Variants in QTMAN observed in about 807,000 individuals in gnomAD.
The protein encoded by QTMAN is tRNA-queuosine alpha-mannosyltransferase.
At chr2:144,110,685 C>T in the QTMAN span, among the ~76,000 whole-genome samples, 2 of 142,236 alleles carry the variant, frequency 1.4e-5, no homozygotes, top group African/African-American at 2.8e-5. Context: ...ATCGACCCCC[C>T]CCCAAAAAAA....
At chr2:144,139,913 T>A in the QTMAN span, among the ~76,000 whole-genome samples, 1 of 152,074 alleles carries the variant, frequency 6.6e-6, no homozygotes, top group Non-Finnish European at 1.5e-5. Context: ...ATTTTTCCCA[T>A]GACCAAATAA....
chr2:144,206,353 TTTAG>T, the QTMAN span, among the ~76,000 whole-genome samples: 1 of 152,174 alleles, frequency 6.6e-6, no homozygotes, highest in African/African-American at 2.4e-5. Flanking sequence ...CTCAGACTTA[TTTAG>T]TGTAGCAAAA....
chr2:144,307,159 T>C, the QTMAN span, among the ~76,000 whole-genome samples: 1 of 40,452 alleles, frequency 2.5e-5, no homozygotes, highest in Non-Finnish European at 4.0e-5. Context: ...GACTCCGTCT[T>C]AAAAAAAAAA....
At chr2:144,181,130 T>A in the QTMAN span, among the ~76,000 whole-genome samples, 1 of 152,208 alleles carries the variant, frequency 6.6e-6, no homozygotes, top group Non-Finnish European at 1.5e-5. Context: ...TTAGCTTCTG[T>A]TTCTTATTTA....
chr2:144,086,299 T>G, the QTMAN span, among the ~76,000 whole-genome samples: 2 of 152,138 alleles, frequency 1.3e-5, no homozygotes, highest in South Asian at 4.1e-4. Flanking sequence ...GAGTCTACTA[T>G]GTACCAATAA....
At chr2:144,134,174 C>T in the QTMAN span, among the ~76,000 whole-genome samples, 1 of 152,142 alleles carries the variant, frequency 6.6e-6, no homozygotes, top group African/African-American at 2.4e-5. Flanking sequence ...GACACATCTG[C>T]TTTGCAATGT....
At chr2:143,955,041 G>C in the QTMAN span, among the ~76,000 whole-genome samples, 1 of 152,172 alleles carries the variant, frequency 6.6e-6, no homozygotes, top group South Asian at 2.1e-4. Flanking sequence ...CTTTTCTGGA[G>C]GGCCTGCAAA....
the QTMAN span, among the ~76,000 whole-genome samples, chr2:144,082,538 G>A: frequency 1.3e-5 from 2 of 151,956 alleles, no homozygotes; most frequent in Admixed American, 6.6e-5. Context: ...CATTTTCTTG[G>A]TTTCAGGGTG....
chr2:143,951,657 C>T, the QTMAN span, among the ~76,000 whole-genome samples: 1 of 151,436 alleles, frequency 6.6e-6, no homozygotes, highest in Non-Finnish European at 1.5e-5. Context: ...AGAATCTTTC[C>T]TTTACTTCCT....
the QTMAN span, among the ~76,000 whole-genome samples, chr2:144,019,435 GGTGTGTGTGTGTGTGTGTGTGTGT>G: frequency 8.5e-6 from 1 of 117,224 alleles, no homozygotes; most frequent in Non-Finnish European, 1.8e-5. Flanking sequence ...TAAGCATGCA[GGTGTGTGTGTGTGTGTGTGTGTGT>G]GTGTGTGTGT....
the QTMAN span, among the ~76,000 whole-genome samples, chr2:144,138,049 A>T: frequency 2.4e-3 from 371 of 151,954 alleles, 5 homozygotes; most frequent in Admixed American, 0.023. Context: ...TCCTCCACCA[A>T]CCCCTTAAGT....
the QTMAN span, among the ~76,000 whole-genome samples, chr2:144,321,709 C>T: frequency 1.3e-5 from 2 of 152,060 alleles, no homozygotes; most frequent in African/African-American, 4.8e-5. Flanking sequence ...CTCAAGAAAT[C>T]CTCCCACTTC....
chr2:144,079,691 T>C, the QTMAN span, among the ~76,000 whole-genome samples: 1 of 152,116 alleles, frequency 6.6e-6, no homozygotes, highest in Non-Finnish European at 1.5e-5. Context: ...ATAGTAGATG[T>C]AATGGCCTAT....
chr2:144,102,637 T>G, the QTMAN span, among the ~76,000 whole-genome samples: 1 of 152,294 alleles, frequency 6.6e-6, no homozygotes, highest in Admixed American at 6.5e-5. Context: ...CAGCAGCACA[T>G]TCATTTTAAG....
chr2:144,193,830 C>G, the QTMAN span, among the ~76,000 whole-genome samples: 1 of 151,894 alleles, frequency 6.6e-6, no homozygotes, highest in Non-Finnish European at 1.5e-5. Context: ...CCCAGCACCC[C>G]CAAATATTTG....
chr2:144,070,746 T>C, the QTMAN span, among the ~76,000 whole-genome samples: 1 of 152,176 alleles, frequency 6.6e-6, no homozygotes, highest in Non-Finnish European at 1.5e-5. Flanking sequence ...TTGTTAAAGA[T>C]TATTTCTTAA....
the QTMAN span, chr2:144,208,882 T>C: frequency 1.3e-6 from 1 of 748,462 alleles, no homozygotes; most frequent in Admixed American, 3.1e-5. Context: ...AGTTCAAATT[T>C]CATACTCAGA....
At chr2:144,203,831 AGTT>A in the QTMAN span, among the ~76,000 whole-genome samples, 1 of 152,192 alleles carries the variant, frequency 6.6e-6, no homozygotes, top group Non-Finnish European at 1.5e-5. Flanking sequence ...AAGACAGAAT[AGTT>A]GTTAAGACAA....
chr2:143,954,277 G>A, the QTMAN span, among the ~76,000 whole-genome samples: 4 of 151,978 alleles, frequency 2.6e-5, no homozygotes, highest in East Asian at 5.8e-4. Context: ...TTTAAATGCT[G>A]TGCCAATCGA....
Sources: allele counts gnomAD v4.1 joint callset (sites outside exome capture counted in the v4.1 genomes callset), GRCh38; gene constraint gnomAD v4.1.1; transcripts MANE v1.5; gene names NCBI Gene and HGNC (gene_info 2026-07-23, HGNC 2026-07-21).